The following MTUS1 variants were observed in gnomAD, a reference collection of about 807,000 sequenced individuals.
MTUS1 encodes the protein microtubule-associated tumor suppressor 1.
In MTUS1, 109 loss-of-function variants were observed where a neutral mutation model predicts 120.8. The observed-to-expected ratio is 0.90, with a 90% CI of 0.77 to 1.06. MTUS1 has a LOEUF of 1.06. Ranked by LOEUF, MTUS1 falls within the 50% of genes least tolerant of loss-of-function variation. The pLI is 0.00. For missense variants in MTUS1, 2,210 were observed against 1,486.3 expected (o/e 1.49, Z -8.01); for synonymous variants, 737 against 550.5 (o/e 1.34, Z -4.74).
At chr8:17,725,429 T>C (rs2046161282) in intron 3 of MTUS1, among the ~76,000 whole-genome samples, 1 of 152,212 alleles carries the variant, frequency 6.6e-6, no homozygotes, top group Non-Finnish European at 1.5e-5. Context: ...CATCCATGTG[T>C]GCTCTGCTCC....
intron 6 of MTUS1, among the ~76,000 whole-genome samples, chr8:17,707,637 C>T (rs1014507383): frequency 2.0e-5 from 3 of 152,144 alleles, no homozygotes; most frequent in African/African-American, 2.4e-5. Context: ...CAGAGATTGA[C>T]AAGCTGATCC....
chr8:17,660,099 G>A (rs1327363873), intron 8 of MTUS1, among the ~76,000 whole-genome samples: 3 of 151,918 alleles, frequency 2.0e-5, no homozygotes, highest in South Asian at 2.1e-4. Flanking sequence ...TTGGCCGGGT[G>A]CAGTGGCTCA....
intron 1 of MTUS1, among the ~76,000 whole-genome samples, chr8:17,782,634 C>T (rs2050957708): frequency 6.6e-6 from 1 of 152,198 alleles, no homozygotes; most frequent in South Asian, 2.1e-4. Context: ...CACCTTTCCT[C>T]CAAGGCCATC....
Position 17,755,527 on chromosome 8 carries a change from A to T in MTUS1, c.281T>A (p.Val94Glu), listed in dbSNP as rs898240224. The change falls in exon 2 of 15, where the codon GTG becomes GAG. Residue 94 changes from valine (V) to glutamate (E), a missense_variant. Physicochemically the swap from Val to Glu is moderately radical, Grantham distance 121 (BLOSUM62 -2). Coordinates refer to ENST00000693296, the MANE Select transcript of MTUS1 (RefSeq NM_001363059.2). Reference protein sequence around the residue: ...KSSSDFISKQVLDMHKDSICQ... With the variant: ...KSSSDFISKQELDMHKDSICQ... ...AATAGAATCTTTATGCATATCTAAC[A>T]CCTGCTTACTAATGAAATCACTAGA... is the stretch of plus-strand genomic sequence containing the variant. The T allele has an allele frequency of 6.2e-7, 1 of 1,614,068 alleles. No individual in the cohort carries two copies. The highest frequency in any genetic ancestry group is 1.7e-5 in the Admixed American group (1 of 60,008).
chr8:17,703,175 A>G (rs58435342), intron 6 of MTUS1, among the ~76,000 whole-genome samples: 6,797 of 152,296 alleles, frequency 0.045, 295 homozygotes, highest in South Asian at 0.16. Context: ...GAATACAGCC[A>G]TATTTTTCTT....
intron 1 of MTUS1, among the ~76,000 whole-genome samples, chr8:17,761,068 T>C (rs914828651): frequency 1.3e-5 from 2 of 152,096 alleles, no homozygotes; most frequent in African/African-American, 4.8e-5. Flanking sequence ...CCCCACTTAT[T>C]AAAGAGCTGG....
intron 1 of MTUS1, among the ~76,000 whole-genome samples, chr8:17,760,990 T>C (rs1156747135): frequency 1.3e-5 from 2 of 152,076 alleles, no homozygotes; most frequent in African/African-American, 4.8e-5. Context: ...GTTTCCTTTC[T>C]AAGAGAATCA....
intron 1 of MTUS1, among the ~76,000 whole-genome samples, chr8:17,795,948 T>A (rs448999): frequency 2.7e-5 from 4 of 149,128 alleles, no homozygotes; most frequent in Non-Finnish European, 4.4e-5. Flanking sequence ...AGAACATTCT[T>A]TTTTTCTGTT....
chr8:17,646,845 C>G, intron 14 of MTUS1, 137 bp downstream of exon 14: 4 of 648,480 alleles, frequency 6.2e-6, no homozygotes, highest in Non-Finnish European at 1.1e-5. Flanking sequence ...ATATTTTCCA[C>G]AGAGAAATCA....
chr8:17,729,121 T>C (rs1431096176), intron 3 of MTUS1, among the ~76,000 whole-genome samples: 3 of 152,206 alleles, frequency 2.0e-5, no homozygotes, highest in African/African-American at 7.2e-5. Flanking sequence ...GTAGCTATAA[T>C]TATATAACTT....
rs1179542253 is a variant in MTUS1 at position 17,774,824 on chromosome 8, C to A, written c.-154-18863G>T. ...ATTTACAATAACCAAAAAGTGGACACCATCAAAGGTGTCAGTGGCCACCAC... is the reference window on the plus strand; with the variant it reads ...ATTTACAATAACCAAAAAGTGGACAACATCAAAGGTGTCAGTGGCCACCAC... On this transcript the variant is annotated intron_variant, in intron 1 of 14. Coordinates refer to ENST00000693296, the MANE Select transcript of MTUS1 (RefSeq NM_001363059.2). 2.0e-5 allele frequency among the ~76,000 whole-genome samples: 3 copies of A among 151,880 alleles called. No individual in the cohort carries two copies. The East Asian group carries it at 5.8e-4, about 29-fold the overall frequency.
chr8:17,712,286 G>C (rs1038784842), intron 6 of MTUS1, among the ~76,000 whole-genome samples: 3 of 152,068 alleles, frequency 2.0e-5, no homozygotes, highest in Admixed American at 6.5e-5. Flanking sequence ...TATAAAATAA[G>C]ACAATGTAGG....
intron 8 of MTUS1, chr8:17,674,640 T>A: frequency 2.0e-6 from 2 of 986,926 alleles, no homozygotes; most frequent in Non-Finnish European, 2.4e-6. Context: ...GTGGTAGGTG[T>A]TGAGACGTGG....
At chr8:17,796,625 C>T (rs2052267079) in intron 1 of MTUS1, among the ~76,000 whole-genome samples, 2 of 152,114 alleles carry the variant, frequency 1.3e-5, no homozygotes, top group Admixed American at 6.6e-5. Flanking sequence ...CTGTCACCTC[C>T]AAAATGGAAG....
intron 1 of MTUS1, among the ~76,000 whole-genome samples, chr8:17,783,661 C>T (rs117650550): frequency 3.9e-5 from 6 of 152,290 alleles, no homozygotes; most frequent in East Asian, 1.9e-4. Flanking sequence ...TCCATGAAGA[C>T]GGTCCTTGAG....
intron 1 of MTUS1, among the ~76,000 whole-genome samples, chr8:17,799,450 A>G (rs2052508253): frequency 6.6e-6 from 1 of 152,142 alleles, no homozygotes; most frequent in South Asian, 2.1e-4. Context: ...TTTCTTAAAT[A>G]TTAACTGTGA....
At chr8:17,708,474 A>G (rs1299279864) in intron 6 of MTUS1, among the ~76,000 whole-genome samples, 2 of 152,204 alleles carry the variant, frequency 1.3e-5, no homozygotes, top group East Asian at 3.8e-4. Flanking sequence ...CTGTGGAGAA[A>G]CAGGATTCTT....
intron 1 of MTUS1, among the ~76,000 whole-genome samples, chr8:17,767,205 A>G (rs2049587337): frequency 6.6e-6 from 1 of 151,444 alleles, no homozygotes; most frequent in Admixed American, 6.6e-5. Context: ...AAAAAAAAAA[A>G]AAAAAAAGGC....
chr8:17,706,324 G>C (rs1004471956), intron 6 of MTUS1: 13 of 152,060 alleles, frequency 8.5e-5, no homozygotes, highest in African/African-American at 3.1e-4. Flanking sequence ...ACTTGGAGAG[G>C]CTTAGCAACT....
Sources: allele counts gnomAD v4.1 joint callset (sites outside exome capture counted in the v4.1 genomes callset), GRCh38; gene constraint gnomAD v4.1.1; transcripts MANE v1.5; gene names NCBI Gene and HGNC (gene_info 2026-07-23, HGNC 2026-07-21).